Variants in MAP3K15 observed in about 807,000 individuals in gnomAD.
MAP3K15 encodes MAPK/ERK kinase kinase 15.
A neutral mutation model predicts 99.5 loss-of-function variants in MAP3K15; 124 were observed. The ratio of observed to expected loss-of-function variants is 1.25; its 90% CI spans 1.08 to 1.45. MAP3K15 has a LOEUF of 1.45. Among genes scored for constraint, MAP3K15 ranks in the 40% most tolerant of loss-of-function variants. MAP3K15 has a pLI of 0.00. For missense variants in MAP3K15, 1,242 were observed against 1,079.7 expected, an observed-to-expected ratio of 1.15 and a Z score of -2.11; for synonymous variants, 494 against 439.6, an observed-to-expected ratio of 1.12 and a Z score of -1.55.
rs181610771 is a variant in MAP3K15 at position 19,471,945 on chromosome X, G to A, written c.526-7539C>T. Among the ~76,000 whole-genome samples the A allele has an allele frequency of 1.9e-3, 207 of 111,847 alleles. 3 individuals are homozygous for A. The highest frequency in any genetic ancestry group is 0.018 in the Middle Eastern group (4 of 218). On this transcript the variant is annotated intron_variant, in intron 3 of 28. Coordinates refer to ENST00000338883, the MANE Select transcript of MAP3K15 (RefSeq NM_001001671.4). Reference sequence around the variant, plus strand: ...ATCTTACAAAAATACTAAAGGGGCCGGGCGCGGTGGCTCACGCCTGTAATC... The same window carrying A: ...ATCTTACAAAAATACTAAAGGGGCCAGGCGCGGTGGCTCACGCCTGTAATC...
Position 19,413,461 on chromosome X carries a change from G to A in MAP3K15, c.1594C>T (p.Leu532=), listed in dbSNP as rs1401861735. ...EVTNGLRFPV[L]VIEPTKVYQP... ...TACACTTTGGTTGGCTCTATGACCAGAACCTGAAACAAGAACAGATGCCTG... is the reference window on the plus strand; with the variant it reads ...TACACTTTGGTTGGCTCTATGACCAAAACCTGAAACAAGAACAGATGCCTG... The change falls in exon 11 of 29, where the codon CTG becomes TTG. Residue 532 remains leucine, a synonymous_variant. Transcript: ENST00000338883. The A allele has an allele frequency of 2.5e-6, 3 of 1,191,068 alleles. No individual in the cohort carries two copies. In the Admixed American group the frequency reaches 6.6e-5, roughly 26 times the overall value.
intron 16 of MAP3K15, among the ~76,000 whole-genome samples, chrX:19,392,937 G>A (rs1569208578): frequency 9.1e-6 from 1 of 110,108 alleles, no homozygotes; most frequent in Non-Finnish European, 1.9e-5. Context: ...CCACAGTGAG[G>A]GGCCCTTTAG....
In MAP3K15 at chrX:19,445,925, C is replaced by T. The variant is rs780662941; in HGVS notation, c.995+10988G>A. Reference sequence around the variant, plus strand: ...TCATGCCATTGTACTGCAGCCTGGGCGACAAGAGCGAAACTCCATCTCAAA... The same window carrying T: ...TCATGCCATTGTACTGCAGCCTGGGTGACAAGAGCGAAACTCCATCTCAAA... On this transcript the variant is annotated intron_variant, in intron 6 of 28. Transcript: ENST00000338883. Among the ~76,000 whole-genome samples, 10 of 101,572 alleles carry T rather than the reference C, an allele frequency of 9.8e-5. No individual in the cohort carries two copies. In the South Asian group the frequency reaches 4.5e-3, roughly 46 times the overall value. The allele number at this position is 101,572 out of a possible 115,157, so 88.2% of individuals were successfully genotyped here.
intron 9 of MAP3K15, among the ~76,000 whole-genome samples, chrX:19,416,018 T>C (rs973825791): frequency 1.8e-5 from 2 of 111,646 alleles, no homozygotes; most frequent in African/African-American, 6.5e-5. Flanking sequence ...TGAGCTCCTG[T>C]TGTAAGTATC....
At chrX:19,373,737 AG>A in intron 20 of MAP3K15, 42 bp from the exon 21 acceptor site, 1 of 1,171,087 alleles carries the variant, frequency 8.5e-7, no homozygotes. Context: ...AGACTCAGAG[AG>A]GGACGGGGTG....
At chrX:19,421,106 C>A (rs1173449131) in intron 9 of MAP3K15, among the ~76,000 whole-genome samples, 1 of 110,655 alleles carries the variant, frequency 9.0e-6, no homozygotes, top group Non-Finnish European at 1.9e-5. Flanking sequence ...GGAAGCATTC[C>A]CTTTGAAAAC....
intron 12 of MAP3K15, among the ~76,000 whole-genome samples, chrX:19,409,226 G>A (rs960591003): frequency 9.0e-6 from 1 of 111,696 alleles, no homozygotes; most frequent in Non-Finnish European, 1.9e-5. Context: ...GTCAGAGAAA[G>A]GAATGTTCTA....
chrX:19,431,361 G>C (rs1265799445), intron 7 of MAP3K15, 77 bp downstream of exon 7: 2 of 947,057 alleles, frequency 2.1e-6, no homozygotes. Flanking sequence ...ACATAAGGAA[G>C]AGATGCACAT....
At chrX:19,369,328 G>A (rs774935174) in intron 24 of MAP3K15, 109 bp from the exon 25 acceptor site, 67 of 863,619 alleles carry the variant, frequency 7.8e-5, no homozygotes, top group Admixed American at 7.6e-4. Flanking sequence ...GGCCCAGCCC[G>A]TGCCATGCTC....
chrX:19,498,885 T>A (rs1291758229), intron 1 of MAP3K15, among the ~76,000 whole-genome samples: 1 of 112,230 alleles, frequency 8.9e-6, no homozygotes, highest in Admixed American at 9.5e-5. Flanking sequence ...CCTGGAAGGT[T>A]CCTTAGGCAA....
At chrX:19,469,149 A>G (rs2064189352) in intron 3 of MAP3K15, among the ~76,000 whole-genome samples, 2 of 111,625 alleles carry the variant, frequency 1.8e-5, no homozygotes, top group Non-Finnish European at 3.8e-5. Context: ...ACTTCAAACT[A>G]TACTACAAGG....
At chrX:19,455,612 G>A (rs960617641) in intron 6 of MAP3K15, among the ~76,000 whole-genome samples, 5 of 98,899 alleles carry the variant, frequency 5.1e-5, no homozygotes, top group Non-Finnish European at 7.9e-5. Context: ...TGCCCGCCTC[G>A]GCCTCCCAAA....
Position 19,424,215 on chromosome X carries a change from TAC to T in MAP3K15, c.1439+1314_1439+1315del, listed in dbSNP as rs1369569562. ...ATATACACACACACACACACATATATACACACATATATGTACACACATATATA... is the reference window on the plus strand; with the variant it reads ...ATATACACACACACACACACATATATACACATATATGTACACACATATATA... On this transcript the variant is annotated intron_variant, in intron 9 of 28. Coordinates refer to ENST00000338883, the MANE Select transcript of MAP3K15 (RefSeq NM_001001671.4). 2.9e-5 allele frequency among the ~76,000 whole-genome samples: 3 copies of T among 104,279 alleles called. No homozygotes were observed. The Admixed American group carries it at 3.1e-4, about 11-fold the overall frequency. 90.6% of individuals were successfully genotyped at this position (104,279 alleles called of 115,157 possible). A position where few individuals can be genotyped will look rare whatever the true frequency, so the allele number is the denominator to read the frequency against.
Position 19,360,641 on chromosome X carries a change from G to C in MAP3K15, c.*108C>G. 1.7e-6 allele frequency: 1 copy of C among 575,979 alleles called. No individual in the cohort carries two copies. Among genetic ancestry groups the C allele is most frequent in the South Asian group, 2.7e-5 (1 of 36,542 alleles). 47.5% of individuals were successfully genotyped at this position (575,979 alleles called of 1,213,427 possible). A position where few individuals can be genotyped will look rare whatever the true frequency, so the allele number is the denominator to read the frequency against. On this transcript the variant is annotated 3_prime_UTR_variant, in exon 29 of 29. Coordinates refer to ENST00000338883, the MANE Select transcript of MAP3K15 (RefSeq NM_001001671.4). ...GTTCTTAAACTATTAATTGAACAAT[G>C]GCATTTTTAAATATGTAAACACAGC...
chrX:19,426,526 C>T (rs910423849), intron 7 of MAP3K15, among the ~76,000 whole-genome samples, 183 bp from the exon 8 acceptor site: 2 of 110,745 alleles, frequency 1.8e-5, no homozygotes, highest in African/African-American at 6.6e-5. Context: ...TTAAAAATGT[C>T]TTAATAGGCC....
In MAP3K15 at chrX:19,373,538, G is replaced by C; in HGVS notation, c.2931C>G (p.Leu977=). 2 of 1,169,666 alleles carry C rather than the reference G, an allele frequency of 1.7e-6. No individual in the cohort carries two copies. Among genetic ancestry groups the C allele is most frequent in the Non-Finnish European group, 2.3e-6 (2 of 873,942 alleles). The change falls in exon 21 of 29, where the codon CTC becomes CTG. Residue 977 remains leucine, a splice_region_variant and synonymous_variant. Coordinates refer to ENST00000338883, the MANE Select transcript of MAP3K15 (RefSeq NM_001001671.4). ...RAPRHHLGHL[L]SVPDESSALE... is the part of the protein sequence containing the mutation. ...AGACAGACAGAATACGGGTGTACCT[G>C]AGGAGGTGGCCAAGGTGGTGCCTGG... is the stretch of plus-strand genomic sequence containing the variant.
chrX:19,379,047 G>A (rs1394785614), intron 19 of MAP3K15, among the ~76,000 whole-genome samples: 2 of 111,199 alleles, frequency 1.8e-5, no homozygotes. Context: ...GAAACTAAGG[G>A]GCTGGATTCT....
intron 9 of MAP3K15, among the ~76,000 whole-genome samples, chrX:19,420,467 C>T (rs776286638): frequency 1.0e-3 from 115 of 110,868 alleles, no homozygotes; most frequent in African/African-American, 3.7e-3. Context: ...GACACATACA[C>T]CCTCCCAAGA....
intron 7 of MAP3K15, among the ~76,000 whole-genome samples, chrX:19,431,108 G>A (rs1225299560): frequency 3.6e-5 from 4 of 111,704 alleles, no homozygotes; most frequent in Admixed American, 9.5e-5. Context: ...GAATGAATAA[G>A]TGAATGAATG....
Sources: gnomAD v4.1 joint callset for allele counts (sites outside exome capture counted in the v4.1 genomes callset) on GRCh38, gnomAD v4.1.1 for gene constraint, MANE v1.5 for transcripts, NCBI Gene and HGNC (gene_info 2026-07-23, HGNC 2026-07-21) for gene names.